PDGFD: variants seen among roughly 807,000 people sequenced by gnomAD.
PDGFD encodes platelet derived growth factor D.
PDGFD carries 30 observed loss-of-function variants against 44.7 expected under a neutral mutation model. The ratio of observed to expected loss-of-function variants is 0.67; its 90% CI spans 0.50 to 0.91. The LOEUF (loss-of-function observed/expected upper bound fraction) is 0.91. Ranked by LOEUF, PDGFD falls within the 40% of genes least tolerant of loss-of-function variation. PDGFD has a pLI of 0.00. For synonymous variants in PDGFD, 173 were observed against 168.4 expected (o/e 1.03, Z -0.21); for missense variants, 445 against 457.8 (o/e 0.97, Z 0.25).
At chr11:104,042,720 G>A (rs1860377217) in intron 1 of PDGFD, among the ~76,000 whole-genome samples, 1 of 152,188 alleles carries the variant, frequency 6.6e-6, no homozygotes, top group East Asian at 1.9e-4. Context: ...AAATAAAGCA[G>A]ACAATTACCA....
At chr11:103,983,986 G>C (rs1435977200) in intron 3 of PDGFD, among the ~76,000 whole-genome samples, 1 of 151,640 alleles carries the variant, frequency 6.6e-6, no homozygotes, top group African/African-American at 2.4e-5. Context: ...CATGGCAGAA[G>C]ACAGTGTGGT....
chr11:103,979,821 T>C (rs1859239771), intron 3 of PDGFD, among the ~76,000 whole-genome samples: 2 of 152,122 alleles, frequency 1.3e-5, no homozygotes, highest in South Asian at 4.1e-4. Context: ...AAATAGCATA[T>C]ATACATTTTT....
chr11:104,017,388 C>A (rs922876188), intron 1 of PDGFD, among the ~76,000 whole-genome samples: 1 of 151,872 alleles, frequency 6.6e-6, no homozygotes, highest in South Asian at 2.1e-4. Context: ...TATATGCAAA[C>A]AAACACCAGG....
At chr11:104,131,266 G>A (rs531855223) in intron 1 of PDGFD, among the ~76,000 whole-genome samples, 2 of 152,242 alleles carry the variant, frequency 1.3e-5, no homozygotes, top group South Asian at 4.1e-4. Context: ...TCAGACTTGT[G>A]TAATACTAAT....
intron 3 of PDGFD, among the ~76,000 whole-genome samples, chr11:103,977,855 C>T (rs150070742): frequency 1.9e-3 from 294 of 151,906 alleles, no homozygotes; most frequent in African/African-American, 6.7e-3. Flanking sequence ...GTTGCTAAGG[C>T]CAGCAGTCCA....
intron 5 of PDGFD, among the ~76,000 whole-genome samples, chr11:103,929,034 C>T (rs1335675063): frequency 6.6e-6 from 1 of 152,092 alleles, no homozygotes; most frequent in Non-Finnish European, 1.5e-5. Flanking sequence ...AGGAAGGGAT[C>T]GTGATGTGTG....
chr11:104,054,428 C>A (rs1860591181), intron 1 of PDGFD, among the ~76,000 whole-genome samples: 1 of 152,058 alleles, frequency 6.6e-6, no homozygotes, highest in Admixed American at 6.6e-5. Flanking sequence ...AATAAGGCAA[C>A]CTCAATAAGA....
At chr11:104,072,481 C>A (rs997760733) in intron 1 of PDGFD, among the ~76,000 whole-genome samples, 1 of 151,650 alleles carries the variant, frequency 6.6e-6, no homozygotes, top group Non-Finnish European at 1.5e-5. Flanking sequence ...TTTATCATTG[C>A]TTCTGTAAGG....
chr11:104,164,065 C>T lies in PDGFD; in HGVS notation c.-138G>A. On this transcript the variant is annotated 5_prime_UTR_variant, in exon 1 of 7. Transcript: ENST00000393158. ...CCGGGTCGCTGTGCTAATCGCCGAG[C>T]TCTCCCCAAACTTCCTGCATGCTGA... 1 of 970,754 alleles carries T rather than the reference C, an allele frequency of 1.0e-6. No individual in the cohort carries two copies. Among genetic ancestry groups the T allele is most frequent in the Non-Finnish European group, 1.4e-6 (1 of 699,896 alleles). The allele number at this position is 970,754 out of a possible 1,614,324, so 60.1% of individuals were successfully genotyped here.
chr11:104,095,308 G>A (rs1384144512), intron 1 of PDGFD, among the ~76,000 whole-genome samples: 3 of 151,102 alleles, frequency 2.0e-5, no homozygotes, highest in African/African-American at 4.9e-5. Flanking sequence ...TACTGTATAC[G>A]CAGCACTTAG....
At chr11:104,092,083 A>C (rs371661369) in intron 1 of PDGFD, among the ~76,000 whole-genome samples, 2 of 152,182 alleles carry the variant, frequency 1.3e-5, no homozygotes, top group Non-Finnish European at 1.5e-5. Flanking sequence ...GCTTTGAGAA[A>C]AAAAGGCCCC....
intron 1 of PDGFD, among the ~76,000 whole-genome samples, chr11:104,013,531 A>G (rs1370812017): frequency 6.6e-6 from 1 of 152,130 alleles, no homozygotes; most frequent in Admixed American, 6.6e-5. Flanking sequence ...TGCAGCAGCC[A>G]GTCAGTGAGC....
At chr11:104,046,346 T>C (rs1174359572) in intron 1 of PDGFD, among the ~76,000 whole-genome samples, 2 of 147,534 alleles carry the variant, frequency 1.4e-5, no homozygotes, top group Non-Finnish European at 3.0e-5. Context: ...ATTATATATG[T>C]AAGAGCCAAT....
intron 1 of PDGFD, among the ~76,000 whole-genome samples, chr11:104,073,057 T>C (rs1860904036): frequency 6.6e-6 from 1 of 152,112 alleles, no homozygotes; most frequent in Admixed American, 6.5e-5. Context: ...CAAACATTTG[T>C]ACATTCTACA....
chr11:103,913,102 A>T (rs531981771), intron 6 of PDGFD, among the ~76,000 whole-genome samples: 3 of 152,262 alleles, frequency 2.0e-5, no homozygotes, highest in African/African-American at 7.2e-5. Flanking sequence ...TGAGACAGAA[A>T]ATTAACAAGG....
chr11:104,043,673 T>C (rs1860395283), intron 1 of PDGFD, among the ~76,000 whole-genome samples: 1 of 152,214 alleles, frequency 6.6e-6, no homozygotes. Context: ...CAGCATCTGC[T>C]TCTGGTGAGA....
intron 1 of PDGFD, among the ~76,000 whole-genome samples, chr11:104,019,216 A>G (rs1291490610): frequency 1.3e-5 from 2 of 152,196 alleles, no homozygotes; most frequent in Non-Finnish European, 2.9e-5. Context: ...ATCTTGTTCA[A>G]TACTGTATGT....
At chr11:103,984,059 G>C (rs537541325) in intron 3 of PDGFD, among the ~76,000 whole-genome samples, 1 of 151,658 alleles carries the variant, frequency 6.6e-6, no homozygotes, top group East Asian at 1.9e-4. Flanking sequence ...CCATTATTGG[G>C]TATATACCCA....
intron 1 of PDGFD, among the ~76,000 whole-genome samples, chr11:104,086,802 T>C (rs1198671263): frequency 6.6e-6 from 1 of 152,176 alleles, no homozygotes; most frequent in Non-Finnish European, 1.5e-5. Flanking sequence ...CTGATGTAAA[T>C]AGAGATGGCT....
Sources: allele counts gnomAD v4.1 joint callset (sites outside exome capture counted in the v4.1 genomes callset), GRCh38; gene constraint gnomAD v4.1.1; transcripts MANE v1.5; gene names NCBI Gene and HGNC (gene_info 2026-07-23, HGNC 2026-07-21).